Variants in CTNNA2 observed in about 807,000 individuals in gnomAD.
CTNNA2 encodes the protein catenin alpha 2, also known as catenin alpha-2.
CTNNA2 carries 42 observed loss-of-function variants against 101.0 expected under a neutral mutation model. The ratio of observed to expected loss-of-function variants is 0.42; its 90% CI spans 0.32 to 0.54. The LOEUF is 0.54. Among genes scored for constraint, CTNNA2 ranks in the 20% least tolerant of loss-of-function variants. CTNNA2 has a pLI of 0.14. For synonymous variants in CTNNA2, 450 were observed against 456.4 expected (o/e 0.99, Z 0.18); for missense variants, 871 against 1,223.1 (o/e 0.71, Z 4.29).
At chr2:79,345,516 CT>C (rs1677242635) in intron 3 of CTNNA2, among the ~76,000 whole-genome samples, 1 of 152,164 alleles carries the variant, frequency 6.6e-6, no homozygotes, top group African/African-American at 2.4e-5. Context: ...CTCACTCACA[CT>C]TGTCCAGAGT....
intron 7 of CTNNA2, among the ~76,000 whole-genome samples, chr2:80,154,921 T>C (rs544353525): frequency 1.3e-5 from 2 of 152,222 alleles, no homozygotes; most frequent in Non-Finnish European, 2.9e-5. Flanking sequence ...AAAACTGAGA[T>C]GTAAAATATT....
intron 4 of CTNNA2, among the ~76,000 whole-genome samples, chr2:79,448,988 CAGT>C (rs1678861296): frequency 6.6e-6 from 1 of 151,984 alleles, no homozygotes; most frequent in South Asian, 2.1e-4. Context: ...GACTCACTGT[CAGT>C]AGGTTTTGAT....
intron 9 of CTNNA2, among the ~76,000 whole-genome samples, chr2:80,543,622 G>A (rs1426750859): frequency 6.6e-6 from 1 of 152,142 alleles, no homozygotes; most frequent in Non-Finnish European, 1.5e-5. Flanking sequence ...TGCTGATAAG[G>A]AAGCAGCAAT....
At chr2:80,051,576 G>T (rs1572949276) in intron 7 of CTNNA2, among the ~76,000 whole-genome samples, 2 of 152,164 alleles carry the variant, frequency 1.3e-5, no homozygotes, top group East Asian at 3.9e-4. Flanking sequence ...TAGCAAAATT[G>T]CAAGGGAATA....
Position 80,563,094 on chromosome 2 carries a change from T to G in CTNNA2, c.1741+7201T>G, listed in dbSNP as rs146444707. 2.3e-3 allele frequency among the ~76,000 whole-genome samples: 355 copies of G among 151,732 alleles called. 3 individuals are homozygous for G. Among genetic ancestry groups the G allele is most frequent in the African/African-American group, 7.1e-3 (295 of 41,386 alleles). On this transcript the variant is annotated intron_variant, in intron 12 of 18. Coordinates refer to ENST00000402739, the MANE Select transcript of CTNNA2 (RefSeq NM_001282597.3). ...CATGAATCTCCAGTTCTTCATGGAT[T>G]CAGAATCCTGGGAACTGGAGAGTAC...
At chr2:79,546,320 A>G (rs927317881) in intron 1 of CTNNA2, among the ~76,000 whole-genome samples, 1 of 152,176 alleles carries the variant, frequency 6.6e-6, no homozygotes, top group African/African-American at 2.4e-5. Flanking sequence ...ACCATGTCTT[A>G]GAGCAGAACT....
At chr2:79,232,764 T>G (rs978413255) in intron 2 of CTNNA2, among the ~76,000 whole-genome samples, 6 of 152,188 alleles carry the variant, frequency 3.9e-5, no homozygotes, top group Non-Finnish European at 2.9e-5. Context: ...GATTCAATCT[T>G]GGGAAGTTGT....
intron 7 of CTNNA2, among the ~76,000 whole-genome samples, chr2:79,998,043 T>C (rs572602684): frequency 1.3e-5 from 2 of 152,296 alleles, no homozygotes; most frequent in South Asian, 4.1e-4. Context: ...ATTCTGCTTA[T>C]AGTGGCAGAA....
intron 7 of CTNNA2, among the ~76,000 whole-genome samples, chr2:79,940,886 C>T (rs575974331): frequency 2.0e-4 from 31 of 152,260 alleles, no homozygotes; most frequent in Non-Finnish European, 3.4e-4. Context: ...ACTCAAAAAT[C>T]GATTTCTACT....
Position 80,589,914 on chromosome 2 carries a change from G to A in CTNNA2, c.2189+429G>A, listed in dbSNP as rs538181354. 3.3e-4 allele frequency among the ~76,000 whole-genome samples: 50 copies of A among 152,038 alleles called. No homozygotes were observed. The South Asian group carries it at 4.6e-3, about 14-fold the overall frequency. ...TGTGTGTGTGTGTGTGTGCGCGCGC[G>A]CGCATGTATACATATAGTATGTTGT... On this transcript the variant is annotated intron_variant, in intron 15 of 18. Coordinates refer to ENST00000402739, the MANE Select transcript of CTNNA2 (RefSeq NM_001282597.3).
intron 7 of CTNNA2, among the ~76,000 whole-genome samples, chr2:80,292,666 C>T (rs985567420): frequency 6.6e-6 from 1 of 152,138 alleles, no homozygotes; most frequent in South Asian, 2.1e-4. Context: ...TAGGCCTATG[C>T]CAGCATAGTC....
intron 7 of CTNNA2, among the ~76,000 whole-genome samples, chr2:80,295,647 C>T (rs1675677401): frequency 1.3e-5 from 2 of 152,158 alleles, no homozygotes; most frequent in Admixed American, 1.3e-4. Context: ...TTAGGGAATA[C>T]CTAGAAGAAT....
intron 18 of CTNNA2, among the ~76,000 whole-genome samples, chr2:80,640,436 C>A (rs556738337): frequency 1.2e-4 from 19 of 152,280 alleles, no homozygotes; most frequent in Admixed American, 5.2e-4. Context: ...AAGGAAATGT[C>A]TTTCTGTGAA....
At chr2:79,458,393 C>A (rs2104533112) in intron 4 of CTNNA2, among the ~76,000 whole-genome samples, 1 of 152,288 alleles carries the variant, frequency 6.6e-6, no homozygotes, top group Middle Eastern at 3.4e-3. Context: ...CCAAGCATGA[C>A]TAGAGTAAGC....
chr2:80,346,462 A>T (rs1408753597), intron 7 of CTNNA2, among the ~76,000 whole-genome samples: 1 of 152,220 alleles, frequency 6.6e-6, no homozygotes, highest in Non-Finnish European at 1.5e-5. Context: ...CAAGCCATTC[A>T]TGAGGGACCT....
chr2:79,798,345 C>G (rs1444864021), intron 3 of CTNNA2, among the ~76,000 whole-genome samples: 1 of 152,166 alleles, frequency 6.6e-6, no homozygotes, highest in East Asian at 1.9e-4. Context: ...CAATGTGAGT[C>G]TCCTGGTGGG....
At chr2:79,399,247 A>ATATC (rs1678264554) in intron 4 of CTNNA2, among the ~76,000 whole-genome samples, 3 of 152,234 alleles carry the variant, frequency 2.0e-5, no homozygotes, top group East Asian at 3.9e-4. Context: ...GAAAAGTGAA[A>ATATC]TATCCATAGG....
intron 7 of CTNNA2, among the ~76,000 whole-genome samples, chr2:80,310,686 T>C (rs1447576477): frequency 6.6e-6 from 1 of 152,166 alleles, no homozygotes; most frequent in Non-Finnish European, 1.5e-5. Flanking sequence ...TACTATGGCA[T>C]GTGTGTATTT....
At chr2:79,245,957 C>T (rs1487752002) in intron 2 of CTNNA2, among the ~76,000 whole-genome samples, 1 of 152,202 alleles carries the variant, frequency 6.6e-6, no homozygotes, top group African/African-American at 2.4e-5. Context: ...CCACCAAACC[C>T]AGCCTGCTTC....
Sources: allele counts gnomAD v4.1 joint callset (sites outside exome capture counted in the v4.1 genomes callset), GRCh38; gene constraint gnomAD v4.1.1; transcripts MANE v1.5; gene names NCBI Gene and HGNC (gene_info 2026-07-23, HGNC 2026-07-21).